The following DNAH9 variants were observed in gnomAD, a reference collection of about 807,000 sequenced individuals.
The protein encoded by DNAH9 is dynein axonemal heavy chain 9.
A neutral mutation model predicts 471.6 loss-of-function variants in DNAH9; 345 were observed. The ratio of observed to expected loss-of-function variants is 0.73; its 90% CI spans 0.67 to 0.80. The LOEUF is 0.80. Ranked by LOEUF, DNAH9 falls within the 30% of genes least tolerant of loss-of-function variation. The pLI is 0.00. For synonymous variants in DNAH9, 2,093 were observed against 2,123.6 expected, an observed-to-expected ratio of 0.99 and a Z score of 0.40; for missense variants, 5,407 against 5,609.2, an observed-to-expected ratio of 0.96 and a Z score of 1.15.
At chr17:11,761,290 A>C (rs1456038870) in intron 35 of DNAH9, among the ~76,000 whole-genome samples, 1 of 152,212 alleles carries the variant, frequency 6.6e-6, no homozygotes, top group Non-Finnish European at 1.5e-5. Flanking sequence ...TCAGGACTGC[A>C]ATGGGAAAGA....
intron 19 of DNAH9, among the ~76,000 whole-genome samples, chr17:11,688,744 G>A (rs1226241614): frequency 6.6e-6 from 1 of 152,120 alleles, no homozygotes; most frequent in Non-Finnish European, 1.5e-5. Flanking sequence ...CACTGCCCCA[G>A]AGTGATCAAT....
At chr17:11,774,535 C>T (rs2150885286) in intron 38 of DNAH9, among the ~76,000 whole-genome samples, 1 of 152,204 alleles carries the variant, frequency 6.6e-6, no homozygotes, top group Middle Eastern at 3.4e-3. Flanking sequence ...TGTGGGGGAA[C>T]TGCCATTTAT....
chr17:11,639,364 ATCT>A (rs2073223462), intron 9 of DNAH9, among the ~76,000 whole-genome samples: 2 of 152,240 alleles, frequency 1.3e-5, no homozygotes, highest in Admixed American at 1.3e-4. Context: ...ATTCTTGCTA[ATCT>A]TCTCATTTTA....
At chr17:11,920,531 G>T (rs549635322) in intron 61 of DNAH9, among the ~76,000 whole-genome samples, 1 of 150,572 alleles carries the variant, frequency 6.6e-6, no homozygotes, top group East Asian at 2.1e-4. Context: ...TGAGGCAGGA[G>T]AATTGCTTGA....
intron 41 of DNAH9, among the ~76,000 whole-genome samples, chr17:11,792,540 T>A (rs1969102005): frequency 1.3e-5 from 2 of 152,184 alleles, no homozygotes; most frequent in Non-Finnish European, 2.9e-5. Flanking sequence ...GTTAGGACTT[T>A]GGCTAATAGT....
rs993986078 is a variant in DNAH9 at position 11,881,389 on chromosome 17, G to A, written c.10782G>A (p.Glu3594=). The A allele has an allele frequency of 6.2e-7, 1 of 1,613,548 alleles. No individual in the cohort carries two copies. Among genetic ancestry groups the A allele is most frequent in the Non-Finnish European group, 8.5e-7 (1 of 1,179,914 alleles). Residue 3594 remains glutamate (E), a synonymous_variant, in exon 55 of 69, where the codon GAG becomes GAA. Transcript: ENST00000262442. ...TGCTGGCCGCTGTGGTCAGCATGGAGAGGCCAGACTTGGAGCAGCTGAAGG... is the reference window on the plus strand; with the variant it reads ...TGCTGGCCGCTGTGGTCAGCATGGAAAGGCCAGACTTGGAGCAGCTGAAGG... The part of the protein sequence containing the change: ...DQLLAAVVSM[E]RPDLEQLKSD...
At chr17:11,643,985 C>T (rs556939924) in intron 10 of DNAH9, among the ~76,000 whole-genome samples, 1 of 152,290 alleles carries the variant, frequency 6.6e-6, no homozygotes, top group South Asian at 2.1e-4. Context: ...ATGAATGGAG[C>T]TCACAGGACT....
At chr17:11,951,588 C>G (rs1279929473) in intron 67 of DNAH9, among the ~76,000 whole-genome samples, 1 of 151,750 alleles carries the variant, frequency 6.6e-6, no homozygotes, top group African/African-American at 2.4e-5. Flanking sequence ...AGTTTGTAGA[C>G]CAGTCTGGGC....
Position 11,822,842 on chromosome 17 carries a change from C to T in DNAH9, c.9054C>T (p.Val3018=). ...CGATTAGCAAATTCATGGCCTTTGTCCACACAAGTGTCAACCAAACATCCC... is the reference window on the plus strand; with the variant it reads ...CGATTAGCAAATTCATGGCCTTTGTTCACACAAGTGTCAACCAAACATCCC... The part of the protein sequence containing the change: ...KQSISKFMAF[V]HTSVNQTSQS... Residue 3018 remains valine, a synonymous_variant, in exon 48 of 69, where the codon GTC becomes GTT. Coordinates refer to ENST00000262442, the MANE Select transcript of DNAH9 (RefSeq NM_001372.4). 6.2e-7 allele frequency: 1 copy of T among 1,614,210 alleles called. No homozygotes were observed. The highest frequency in any genetic ancestry group is 1.1e-5 in the South Asian group (1 of 91,076).
chr17:11,848,225 A>G (rs986189801), intron 49 of DNAH9, among the ~76,000 whole-genome samples: 1 of 152,240 alleles, frequency 6.6e-6, no homozygotes, highest in Non-Finnish European at 1.5e-5. Flanking sequence ...AAAGAAAAAG[A>G]TAAATAGCCC....
chr17:11,880,586 G>T (rs1972680498), intron 54 of DNAH9, among the ~76,000 whole-genome samples: 1 of 152,166 alleles, frequency 6.6e-6, no homozygotes, highest in African/African-American at 2.4e-5. Flanking sequence ...AGTCTCTGCT[G>T]CTTTGAGTGC....
chr17:11,706,914 T>C (rs1199601884), intron 26 of DNAH9, among the ~76,000 whole-genome samples: 1 of 152,136 alleles, frequency 6.6e-6, no homozygotes, highest in Non-Finnish European at 1.5e-5. Context: ...GGGGAGGTAG[T>C]CAGCCATAAA....
At chr17:11,783,172 C>G (rs1172064988) in intron 39 of DNAH9, among the ~76,000 whole-genome samples, 2 of 152,048 alleles carry the variant, frequency 1.3e-5, no homozygotes, top group Non-Finnish European at 2.9e-5. Context: ...AGCCTGAAAC[C>G]ATGGTTTTTA....
intron 50 of DNAH9, among the ~76,000 whole-genome samples, chr17:11,864,035 G>A (rs1041549084): frequency 2.0e-5 from 3 of 151,166 alleles, no homozygotes; most frequent in African/African-American, 7.3e-5. Flanking sequence ...GTTCTGCTCT[G>A]ATTTTAGTTA....
At chr17:11,925,945 G>A (rs1245555921) in intron 62 of DNAH9, among the ~76,000 whole-genome samples, 2 of 144,824 alleles carry the variant, frequency 1.4e-5, no homozygotes, top group Non-Finnish European at 3.0e-5. Flanking sequence ...ACAGCTATCT[G>A]GTTCTAAGAA....
intron 33 of DNAH9, among the ~76,000 whole-genome samples, chr17:11,754,480 A>G (rs1597596509): frequency 6.6e-6 from 1 of 152,140 alleles, no homozygotes; most frequent in Non-Finnish European, 1.5e-5. Context: ...CCACAACCTC[A>G]CCAGCCTCTG....
intron 50 of DNAH9, among the ~76,000 whole-genome samples, chr17:11,861,160 A>G (rs576938444): frequency 2.0e-5 from 3 of 151,902 alleles, no homozygotes; most frequent in African/African-American, 7.2e-5. Context: ...ATATCTTCCA[A>G]TGCTATCCCT....
chr17:11,611,765 A>G lies in DNAH9; in HGVS notation c.889A>G (p.Arg297Gly), dbSNP rs113692148. The change falls in exon 4 of 69, where the codon AGA becomes GGA. Residue 297 changes from arginine to glycine, a missense_variant. Physicochemically the swap from Arg to Gly is moderately radical, Grantham distance 125. Transcript: ENST00000262442. ...CTTTCCAGCTTTCAAAGCCATGTAC[A>G]GAGATGTTGTTGCAGGTGAGGACCA... The part of the protein sequence containing the change: ...SYFPAFKAMY[R>G]DVVAALAEAQ... 12 of 1,613,556 alleles carry G rather than the reference A, an allele frequency of 7.4e-6. No individual in the cohort carries two copies. Among genetic ancestry groups the G allele is most frequent in the African/African-American group, 5.3e-5 (4 of 75,064 alleles).
At chr17:11,959,585 A>G (rs976856935) in intron 67 of DNAH9, among the ~76,000 whole-genome samples, 1 of 152,216 alleles carries the variant, frequency 6.6e-6, no homozygotes, top group Non-Finnish European at 1.5e-5. Context: ...CAAAGGAAAC[A>G]GTTTTTTTCT....
Sources: allele counts gnomAD v4.1 joint callset (sites outside exome capture counted in the v4.1 genomes callset), GRCh38; gene constraint gnomAD v4.1.1; transcripts MANE v1.5; gene names NCBI Gene and HGNC (gene_info 2026-07-23, HGNC 2026-07-21).